ANAPC1: variants seen among roughly 807,000 people sequenced by gnomAD.
ANAPC1 encodes the protein anaphase promoting complex subunit 1, also known as anaphase-promoting complex subunit 1.
A neutral mutation model predicts 208.0 loss-of-function variants in ANAPC1; 36 were observed. The ratio of observed to expected loss-of-function variants is 0.17; its 90% CI spans 0.13 to 0.23. The LOEUF (loss-of-function observed/expected upper bound fraction) is 0.23, where lower values mean the gene tolerates loss of function less well. Ranked by LOEUF, ANAPC1 falls within the 10% of genes least tolerant of loss-of-function variation. ANAPC1 has a pLI of 1.00. For synonymous variants in ANAPC1, 378 were observed against 695.2 expected, an observed-to-expected ratio of 0.54 and a Z score of 7.18; for missense variants, 942 against 2,011.6, an observed-to-expected ratio of 0.47 and a Z score of 10.17.
intron 18 of ANAPC1, 108 bp downstream of exon 18, chr2:111,838,330 T>A (rs1680583570): frequency 2.6e-6 from 2 of 765,438 alleles, no homozygotes; most frequent in East Asian, 3.1e-5. Flanking sequence ...ATAAATAAAG[T>A]GAAAGGTGTT....
At chr2:111,870,648 ACTAT>A (rs1369698070) in intron 6 of ANAPC1, among the ~76,000 whole-genome samples, 1 of 152,160 alleles carries the variant, frequency 6.6e-6, no homozygotes, top group Non-Finnish European at 1.5e-5. Context: ...CACTGTGTGA[ACTAT>A]CTGTCTATTC....
intron 41 of ANAPC1, 109 bp downstream of exon 41, chr2:111,784,214 C>T (rs147456324): frequency 0.018 from 28,148 of 1,545,648 alleles, 473 homozygotes; most frequent in African/African-American, 0.13. Flanking sequence ...GCTTTCTTAT[C>T]TGCTACAATA....
At chr2:111,792,092 A>G (rs547402072) in intron 38 of ANAPC1, among the ~76,000 whole-genome samples, 1 of 152,126 alleles carries the variant, frequency 6.6e-6, no homozygotes, top group Non-Finnish European at 1.5e-5. Flanking sequence ...CCAGGTGGGC[A>G]CAAGCAGTGA....
chr2:111,834,454 A>G, intron 19 of ANAPC1, 150 bp downstream of exon 19: 2 of 1,093,836 alleles, frequency 1.8e-6, no homozygotes, highest in African/African-American at 1.6e-5. Context: ...TCTTCAAACA[A>G]CTCTGTGGTT....
intron 35 of ANAPC1, 104 bp downstream of exon 35, chr2:111,794,714 T>A: frequency 7.5e-7 from 1 of 1,341,750 alleles, no homozygotes; most frequent in Admixed American, 2.0e-5. Context: ...TATGTGGGAT[T>A]CATAATTACT....
intron 30 of ANAPC1, among the ~76,000 whole-genome samples, chr2:111,804,751 G>A (rs201348194): frequency 0.065 from 9,303 of 142,104 alleles, 494 homozygotes; most frequent in South Asian, 0.2. Flanking sequence ...CTCGTGATCC[G>A]CCCATCTCAG....
intron 17 of ANAPC1, among the ~76,000 whole-genome samples, chr2:111,842,805 T>C (rs1680841416): frequency 1.3e-5 from 2 of 151,794 alleles, no homozygotes; most frequent in Non-Finnish European, 2.9e-5. Context: ...TAGAAGGAGA[T>C]CACCAATACT....
At chr2:111,792,723 C>T (rs1300105625) in intron 37 of ANAPC1, among the ~76,000 whole-genome samples, 168 bp from the exon 38 acceptor site, 49 of 151,860 alleles carry the variant, frequency 3.2e-4, no homozygotes, top group Non-Finnish European at 5.7e-4. Context: ...GAGGCCAAGG[C>T]GGGCGGATCA....
intron 38 of ANAPC1, among the ~76,000 whole-genome samples, chr2:111,790,314 G>A (rs937967105): frequency 1.3e-5 from 2 of 152,032 alleles, no homozygotes; most frequent in Middle Eastern, 3.2e-3. Context: ...AAAATGCAAG[G>A]AGCCAAGAGA....
At chr2:111,883,293 T>C (rs1352090035) in intron 1 of ANAPC1, among the ~76,000 whole-genome samples, 1 of 151,862 alleles carries the variant, frequency 6.6e-6, no homozygotes, top group Non-Finnish European at 1.5e-5. Context: ...TTATGAAACT[T>C]TAGTTCTGCA....
intron 6 of ANAPC1, among the ~76,000 whole-genome samples, chr2:111,870,409 T>C (rs1466536411): frequency 6.6e-6 from 1 of 151,466 alleles, no homozygotes; most frequent in Non-Finnish European, 1.5e-5. Context: ...ATAATGGCCA[T>C]TCCTTAAAGA....
chr2:111,874,792 A>G (rs1682935981), intron 3 of ANAPC1, among the ~76,000 whole-genome samples: 1 of 152,214 alleles, frequency 6.6e-6, no homozygotes, highest in Non-Finnish European at 1.5e-5. Flanking sequence ...TAGAACTGGA[A>G]CTGCTGGATC....
intron 11 of ANAPC1, among the ~76,000 whole-genome samples, chr2:111,857,907 T>G (rs545347960): frequency 6.6e-6 from 1 of 152,128 alleles, no homozygotes; most frequent in African/African-American, 2.4e-5. Context: ...AAATGGTGGA[T>G]CCTAAAAACA....
intron 29 of ANAPC1, among the ~76,000 whole-genome samples, chr2:111,806,642 T>C (rs1449029488): frequency 1.7e-5 from 2 of 118,762 alleles, no homozygotes; most frequent in Non-Finnish European, 3.5e-5. Context: ...CACTTACTTA[T>C]GTTGTTAAGC....
rs3926710 is a variant in ANAPC1, at chr2:111,833,424, T to A, written c.2385-113A>T. The A allele has an allele frequency of 7.2e-5, 97 of 1,342,050 alleles. No individual in the cohort carries two copies. The East Asian group carries it at 2.5e-3, about 34-fold the overall frequency. 83.1% of individuals were successfully genotyped at this position (1,342,050 alleles called of 1,614,324 possible). ...TTTAAAAACTTACATATGAGAAAGA[T>A]AACCAAATCTAGAGTCTCTCTATTG... On this transcript the variant is annotated intron_variant, in intron 19 of 47. Transcript: ENST00000341068.
intron 6 of ANAPC1, among the ~76,000 whole-genome samples, chr2:111,871,576 C>G (rs181737305): frequency 6.6e-6 from 1 of 152,162 alleles, no homozygotes; most frequent in Admixed American, 6.5e-5. Context: ...CATGGAGAAA[C>G]CCCATCTCTA....
chr2:111,864,666 T>C, intron 8 of ANAPC1, 140 bp downstream of exon 8: 2 of 1,394,080 alleles, frequency 1.4e-6, no homozygotes, highest in Non-Finnish European at 1.9e-6. Context: ...TTCACCATGT[T>C]GGCCAGGCTG....
chr2:111,853,335 T>C (rs1681516544), intron 13 of ANAPC1, among the ~76,000 whole-genome samples: 4 of 152,224 alleles, frequency 2.6e-5, no homozygotes, highest in Non-Finnish European at 5.9e-5. Context: ...ATTTAATTAG[T>C]GGCCTAGTGG....
Position 111,880,796 on chromosome 2 carries a change from C to T in ANAPC1, c.30G>A (p.Thr10=), listed in dbSNP as rs1683260458. 7 of 1,613,856 alleles carry T rather than the reference C, an allele frequency of 4.3e-6. No individual in the cohort carries two copies. The South Asian group carries it at 4.4e-5, about 10-fold the overall frequency. The change falls in exon 2 of 48, where the codon ACG becomes ACA. Residue 10 remains threonine (T), a synonymous_variant. Coordinates refer to ENST00000341068, the MANE Select transcript of ANAPC1 (RefSeq NM_022662.4). MSNFYEERT[T]MIAARDLQEF... ...CCTGCAAATCCCTTGCTGCAATCAT[C>T]GTTGTCCTTTCTTCATAGAAGTTCG...
Sources: allele counts gnomAD v4.1 joint callset (sites outside exome capture counted in the v4.1 genomes callset), GRCh38; gene constraint gnomAD v4.1.1; transcripts MANE v1.5; gene names NCBI Gene and HGNC (gene_info 2026-07-23, HGNC 2026-07-21).